C12orf42: variants seen among roughly 807,000 people sequenced by gnomAD.
C12orf42 encodes uncharacterized protein C12orf42.
In C12orf42, 25 loss-of-function variants were observed where a neutral mutation model predicts 21.6. The observed-to-expected ratio is 1.16, with a 90% CI of 0.84 to 1.62. C12orf42 has a LOEUF of 1.62. Ranked by LOEUF, C12orf42 falls within the 40% of genes most tolerant of loss-of-function variation. The probability of loss-of-function intolerance (pLI) is 0.00; values close to 1 mark genes in which losing one functional copy is unlikely to be tolerated. For missense variants in C12orf42, 483 were observed against 459.3 expected, an observed-to-expected ratio of 1.05 and a Z score of -0.47; for synonymous variants, 174 against 175.0, an observed-to-expected ratio of 0.99 and a Z score of 0.05.
intron 10 of C12orf42, among the ~76,000 whole-genome samples, chr12:103,249,852 T>C (rs866808944): frequency 6.6e-5 from 10 of 152,184 alleles, no homozygotes; most frequent in South Asian, 4.1e-4. Context: ...AATCCTTAGA[T>C]TTTCTAACCT....
chr12:103,217,268 T>C, the C12orf42 span, among the ~76,000 whole-genome samples: 4 of 152,174 alleles, frequency 2.6e-5, no homozygotes, highest in African/African-American at 9.6e-5. Context: ...ACCTGTAATC[T>C]CAGCATTTTG....
rs2037318138 is a variant in C12orf42, at chr12:103,296,779, T to C, written n.338-19569A>G. On this transcript the variant is annotated intron_variant and non_coding_transcript_variant, in intron 4 of 6. Coordinates refer to the C12orf42 transcript ENST00000546526. Reference sequence around the variant, plus strand: ...ATTAGCCCTTTGTCAGATAAGTAGATTGCAAAAAATTTTATCCCATTCTGT... The same window carrying C: ...ATTAGCCCTTTGTCAGATAAGTAGACTGCAAAAAATTTTATCCCATTCTGT... Among the ~76,000 whole-genome samples, 2 of 152,198 alleles carry C rather than the reference T, an allele frequency of 1.3e-5. 1 individual carries two copies. Among genetic ancestry groups the C allele is most frequent in the South Asian group, 4.1e-4 (2 of 4,834 alleles).
In C12orf42 at chr12:103,442,409, A is replaced by C. The variant is rs58670523; in HGVS notation, c.78+35940T>G. ...CAGCACAGATGTGCAAGTCAACAAC[A>C]GGTTGCTGGTTTGGGTACCTAAGAT... is the stretch of plus-strand genomic sequence containing the variant. On this transcript the variant is annotated intron_variant, in intron 2 of 5. Transcript: ENST00000548883. 0.012 allele frequency among the ~76,000 whole-genome samples: 1,836 copies of C among 152,268 alleles called. 201 individuals carry two copies. The East Asian group carries it at 0.25, about 21-fold the overall frequency.
chr12:103,249,846 C>CTGG (rs2034204069), intron 10 of C12orf42, among the ~76,000 whole-genome samples: 1 of 152,040 alleles, frequency 6.6e-6, no homozygotes, highest in Non-Finnish European at 1.5e-5. Flanking sequence ...CCAGTCAATC[C>CTGG]TTAGATTTTC....
intron 3 of C12orf42, among the ~76,000 whole-genome samples, chr12:103,383,914 G>A (rs560140922): frequency 1.3e-5 from 2 of 152,322 alleles, no homozygotes; most frequent in African/African-American, 4.8e-5. Flanking sequence ...TAAATAAGCA[G>A]AGCCTAGGTG....
the C12orf42 span, among the ~76,000 whole-genome samples, chr12:103,078,220 C>T: frequency 2.0e-5 from 3 of 152,288 alleles, no homozygotes; most frequent in Non-Finnish European, 4.4e-5. Context: ...ACTTAATCCT[C>T]ACCATCTTAA....
At chr12:103,057,847 G>C in the C12orf42 span, among the ~76,000 whole-genome samples, 1 of 152,000 alleles carries the variant, frequency 6.6e-6, no homozygotes, top group African/African-American at 2.4e-5. Flanking sequence ...CTTCTCCATA[G>C]CATTGCCAGC....
the C12orf42 span, among the ~76,000 whole-genome samples, chr12:103,521,981 T>A: frequency 2.6e-5 from 4 of 152,176 alleles, no homozygotes; most frequent in South Asian, 8.3e-4. Context: ...TAATTCTGTC[T>A]CCCCTCAGTT....
At chr12:103,217,204 G>A in the C12orf42 span, among the ~76,000 whole-genome samples, 2 of 152,216 alleles carry the variant, frequency 1.3e-5, no homozygotes, top group South Asian at 4.1e-4. Flanking sequence ...ACATTGAAGT[G>A]CTGAAACATG....
chr12:103,276,003 T>C (rs925088856), intron 5 of C12orf42, among the ~76,000 whole-genome samples: 1 of 152,024 alleles, frequency 6.6e-6, no homozygotes, highest in Non-Finnish European at 1.5e-5. Flanking sequence ...AGCCCAGGAG[T>C]TCAAGGTTAC....
intron 4 of C12orf42, among the ~76,000 whole-genome samples, chr12:103,341,449 TA>T (rs1276594722): frequency 2.0e-5 from 3 of 152,056 alleles, no homozygotes; most frequent in Non-Finnish European, 2.9e-5. Flanking sequence ...TAAATGTGAA[TA>T]CCATAAACCC....
chr12:103,302,390 G>T lies in C12orf42; in HGVS notation c.801C>A (p.Gly267=), dbSNP rs759800850. ...CTTTTCCGACGGGATTTCCGGACGC[G>T]CCCAGGAGTCTGCTTTGGATGTCGT... The part of the protein sequence containing the change: ...HPDDIQSRLL[G]ASGNPVGKGA... The change falls in exon 6 of 6, where the codon GGC becomes GGA. Residue 267 remains glycine (G), a synonymous_variant. Coordinates refer to ENST00000548883, the MANE Select transcript of C12orf42 (RefSeq NM_198521.5). 17 of 1,613,892 alleles carry T rather than the reference G, an allele frequency of 1.1e-5. No individual in the cohort carries two copies. The highest frequency in any genetic ancestry group is 2.2e-5 in the East Asian group (1 of 44,854).
chr12:103,373,321 C>T (rs2045424684), intron 3 of C12orf42, among the ~76,000 whole-genome samples: 1 of 152,158 alleles, frequency 6.6e-6, no homozygotes, highest in Admixed American at 6.6e-5. Context: ...GTGCTATCGG[C>T]TGTAGATTGC....
At position 103,478,393 on chromosome 12, in the gene C12orf42, C is replaced by T. The variant is rs1311532483; in HGVS notation, c.34G>A (p.Glu12Lys). 1.9e-5 allele frequency: 30 copies of T among 1,603,360 alleles called. No individual in the cohort carries two copies. The highest frequency in any genetic ancestry group is 3.4e-5 in the Admixed American group (2 of 58,862). Residue 12 changes from glutamate to lysine, a missense_variant, in exon 2 of 6, where the codon GAA (glutamate) becomes AAA (lysine). Transcript: ENST00000548883. The part of the protein sequence containing the change: ...STVICMKQRE[E>K]EFLLTIRPFA... Reference sequence around the variant, plus strand: ...GGTCTGATGGTTAGCAAGAATTCTTCTTCCCTTTGTTTCATACATATCACT... The same window carrying T: ...GGTCTGATGGTTAGCAAGAATTCTTTTTCCCTTTGTTTCATACATATCACT...
At chr12:103,195,409 C>T in the C12orf42 span, among the ~76,000 whole-genome samples, 1 of 152,154 alleles carries the variant, frequency 6.6e-6, no homozygotes, top group Non-Finnish European at 1.5e-5. Flanking sequence ...GCATTCCCAT[C>T]AGCAATGTAT....
chr12:103,329,942 C>G (rs996183578), intron 4 of C12orf42, among the ~76,000 whole-genome samples: 1 of 151,776 alleles, frequency 6.6e-6, no homozygotes, highest in Non-Finnish European at 1.5e-5. Flanking sequence ...TATAATAATA[C>G]AGATAATTTA....
At chr12:103,453,793 T>C (rs1952108451) in intron 2 of C12orf42, among the ~76,000 whole-genome samples, 1 of 152,116 alleles carries the variant, frequency 6.6e-6, no homozygotes, top group African/African-American at 2.4e-5. Flanking sequence ...AAATCAGATT[T>C]CCTGTTAAAT....
the C12orf42 span, among the ~76,000 whole-genome samples, chr12:103,189,473 T>C: frequency 2.0e-5 from 3 of 152,166 alleles, no homozygotes; most frequent in African/African-American, 7.2e-5. Context: ...AAAATCCAAG[T>C]GACAGATCAC....
At chr12:103,103,948 G>A in the C12orf42 span, among the ~76,000 whole-genome samples, 2 of 152,144 alleles carry the variant, frequency 1.3e-5, no homozygotes, top group African/African-American at 2.4e-5. Context: ...TTACAGGCAC[G>A]TGCCACCACG....
Sources: allele counts gnomAD v4.1 joint callset (sites outside exome capture counted in the v4.1 genomes callset), GRCh38; gene constraint gnomAD v4.1.1; transcripts MANE v1.5; gene names NCBI Gene and HGNC (gene_info 2026-07-23, HGNC 2026-07-21).